Variants in VPS26B observed in about 807,000 individuals in gnomAD.
VPS26B encodes vacuolar protein sorting-associated protein 26B.
In VPS26B, 10 loss-of-function variants were observed where a neutral mutation model predicts 33.3. The observed-to-expected ratio is 0.30, with a 90% CI of 0.19 to 0.51. VPS26B has a LOEUF of 0.51. Among genes scored for constraint, VPS26B ranks in the 20% least tolerant of loss-of-function variants. The pLI, the probability that VPS26B is intolerant of heterozygous loss-of-function variation, is 0.98. For synonymous variants in VPS26B, 190 were observed against 176.9 expected (o/e 1.07, Z -0.59); for missense variants, 317 against 452.7 (o/e 0.70, Z 2.72).
chr11:134,237,605 A>G (rs530216836), intron 2 of VPS26B, among the ~76,000 whole-genome samples: 110 of 152,296 alleles, frequency 7.2e-4, no homozygotes, highest in African/African-American at 2.5e-3. Flanking sequence ...AAGGGAGCAC[A>G]AGGAGAGGAG....
chr11:134,242,519 C>G (rs986866883), intron 3 of VPS26B, among the ~76,000 whole-genome samples: 1 of 152,286 alleles, frequency 6.6e-6, no homozygotes, highest in Non-Finnish European at 1.5e-5. Flanking sequence ...ATTGACTGAC[C>G]CAGAGAAAAA....
chr11:134,243,038 C>T lies in VPS26B; in HGVS notation c.546-81C>T, dbSNP rs1393088954. The T allele has an allele frequency of 2.8e-6, 4 of 1,429,558 alleles. No homozygotes were observed. In the Admixed American group the frequency reaches 5.3e-5, roughly 19 times the overall value. 88.6% of individuals were successfully genotyped at this position (1,429,558 alleles called of 1,614,324 possible). Reference sequence around the variant, plus strand: ...CTGGACGTTTAACCAGCACGCTTGGCCGTGGCGTGTGCGCTCTACTGAAAC... The same window carrying T: ...CTGGACGTTTAACCAGCACGCTTGGTCGTGGCGTGTGCGCTCTACTGAAAC... On this transcript the variant is annotated intron_variant, in intron 3 of 5. Transcript: ENST00000281187.
At position 134,245,141 on chromosome 11, in the gene VPS26B, C is replaced by G; in HGVS notation, c.864+61C>G. On this transcript the variant is annotated intron_variant, in intron 5 of 5. Coordinates refer to ENST00000281187, the MANE Select transcript of VPS26B (RefSeq NM_052875.5). This position sits in a 1 kb window ranked among gnomAD's most constrained non-coding sequence, Gnocchi z 4.7. ...GGGACAGAACAGGAGGCTCTCTTTCCTATGGAAGGTCAGACTCCATTTTTG... is the reference window on the plus strand; with the variant it reads ...GGGACAGAACAGGAGGCTCTCTTTCGTATGGAAGGTCAGACTCCATTTTTG... The G allele has an allele frequency of 6.3e-7, 1 of 1,580,606 alleles. No homozygotes were observed. The highest frequency in any genetic ancestry group is 8.6e-7 in the Non-Finnish European group (1 of 1,166,590).
intron 1 of VPS26B, among the ~76,000 whole-genome samples, chr11:134,225,883 C>CA (rs2136043674): frequency 6.6e-6 from 1 of 152,284 alleles, no homozygotes; most frequent in Non-Finnish European, 1.5e-5. Flanking sequence ...TCTCTTACCT[C>CA]ACCTCAGCCC....
intron 1 of VPS26B, 139 bp from the exon 2 acceptor site, chr11:134,234,758 C>A (rs1345093749): frequency 6.0e-6 from 6 of 996,450 alleles, no homozygotes; most frequent in Non-Finnish European, 5.7e-6. Flanking sequence ...GTCAAGAAAA[C>A]AAGGCTAGAA....
In VPS26B at chr11:134,245,477, C is replaced by T. The variant is rs541989590; in HGVS notation, c.898C>T (p.Arg300Trp). ...GTTGTGGCGGAAGGGTGACATCGTA[C>T]GGAAGAGCATGTCCCACCAGGCGGC... Reference protein sequence around the residue: ...VVLWRKGDIVRKSMSHQAAIA... With the variant: ...VVLWRKGDIVWKSMSHQAAIA... Residue 300 changes from arginine (R) to tryptophan (W), a missense_variant, in exon 6 of 6, where the codon CGG becomes TGG. Arg to Trp is a moderately radical substitution (Grantham distance 101). Transcript: ENST00000281187. The surrounding 1 kb of genome is among the most constrained non-coding windows in gnomAD (Gnocchi z 4.7). 3.1e-6 allele frequency: 5 copies of T among 1,613,960 alleles called. No individual in the cohort carries two copies. Among genetic ancestry groups the T allele is most frequent in the Admixed American group, 1.7e-5 (1 of 60,022 alleles).
intron 2 of VPS26B, 45 bp downstream of exon 2, chr11:134,235,098 C>G (rs1160697435): frequency 3.8e-6 from 6 of 1,583,114 alleles, no homozygotes. Flanking sequence ...AGAACCTGCC[C>G]CATGTGGACA....
chr11:134,236,035 G>C (rs938897945), intron 2 of VPS26B, among the ~76,000 whole-genome samples: 1 of 152,160 alleles, frequency 6.6e-6, no homozygotes, highest in Admixed American at 6.5e-5. Flanking sequence ...CATCAGAAGA[G>C]TGAAGGCTCT....
At chr11:134,243,983 G>C (rs868641887) in intron 4 of VPS26B, 7 of 152,344 alleles carry the variant, frequency 4.6e-5, no homozygotes, top group Admixed American at 1.3e-4. Flanking sequence ...GGTGCTTCCA[G>C]GGTTTTATTG....
Position 134,245,228 on chromosome 11 carries a change from G to A in VPS26B, c.864+148G>A. Reference sequence around the variant, plus strand: ...CAACAAGAATGAGGATTCTCACCTGGCCTTAGAGTCTGCTTCCTCGGGCCT... The same window carrying A: ...CAACAAGAATGAGGATTCTCACCTGACCTTAGAGTCTGCTTCCTCGGGCCT... On this transcript the variant is annotated intron_variant, in intron 5 of 5. Coordinates refer to ENST00000281187, the MANE Select transcript of VPS26B (RefSeq NM_052875.5). This position sits in a 1 kb window ranked among gnomAD's most constrained non-coding sequence, Gnocchi z 4.7. 3.7e-6 allele frequency: 5 copies of A among 1,348,942 alleles called. No homozygotes were observed. Among genetic ancestry groups the A allele is most frequent in the Non-Finnish European group, 5.0e-6 (5 of 1,005,618 alleles). 83.6% of individuals were successfully genotyped at this position (1,348,942 alleles called of 1,614,324 possible). A position where few individuals can be genotyped will look rare whatever the true frequency, so the allele number is the denominator to read the frequency against.
chr11:134,245,538 T>C lies in VPS26B; in HGVS notation c.959T>C (p.Leu320Pro), dbSNP rs201480019. 3.1e-6 allele frequency: 5 copies of C among 1,613,466 alleles called. No homozygotes were observed. The highest frequency in any genetic ancestry group is 4.2e-6 in the Non-Finnish European group (5 of 1,179,976). ...CAGCGCTTTGAGGGCACCACCTCCCTGGGTGAGGTGCGGACCCCCAGCCAG... is the reference window on the plus strand; with the variant it reads ...CAGCGCTTTGAGGGCACCACCTCCCCGGGTGAGGTGCGGACCCCCAGCCAG... ...ASQRFEGTTS[L>P]GEVRTPSQLS... Residue 320 changes from leucine (L) to proline (P), a missense_variant, in exon 6 of 6, where the codon CTG becomes CCG. Physicochemically the swap from Leu to Pro is moderately conservative, Grantham distance 98. Coordinates refer to ENST00000281187, the MANE Select transcript of VPS26B (RefSeq NM_052875.5). This position sits in a 1 kb window ranked among gnomAD's most constrained non-coding sequence, Gnocchi z 4.7.
chr11:134,229,855 T>C lies in VPS26B; in HGVS notation c.223+4510T>C, dbSNP rs77978857. Among the ~76,000 whole-genome samples the C allele has an allele frequency of 9.0e-3, 1,377 of 152,264 alleles. 26 individuals are homozygous for C. The highest frequency in any genetic ancestry group is 0.031 in the African/African-American group (1,299 of 41,540). ...CTCCCTATTGGTTAATGGGGGAAAG[T>C]ATATCCAAATCCCTCCTGCTCTGGC... On this transcript the variant is annotated intron_variant, in intron 1 of 5. Transcript: ENST00000281187.
At chr11:134,237,688 G>C (rs1043375102) in intron 2 of VPS26B, among the ~76,000 whole-genome samples, 1 of 152,136 alleles carries the variant, frequency 6.6e-6, no homozygotes, top group Non-Finnish European at 1.5e-5. Context: ...GTGGAACCGC[G>C]GGAAGAGTGT....
intron 1 of VPS26B, among the ~76,000 whole-genome samples, chr11:134,234,194 G>A (rs1055528795): frequency 6.6e-6 from 1 of 152,190 alleles, no homozygotes; most frequent in Non-Finnish European, 1.5e-5. Context: ...TGTTCGATTG[G>A]CCACATGCCT....
intron 1 of VPS26B, among the ~76,000 whole-genome samples, chr11:134,229,687 C>T (rs1319367862): frequency 6.6e-6 from 1 of 152,210 alleles, no homozygotes. Context: ...TTCTCAATGC[C>T]ACTGCCTTTT....
chr11:134,230,473 T>C (rs376929297), intron 1 of VPS26B, among the ~76,000 whole-genome samples: 13 of 152,230 alleles, frequency 8.5e-5, no homozygotes, highest in African/African-American at 3.1e-4. Context: ...CCTGCCTTTG[T>C]TGTGGAGGAG....
Position 134,244,783 on chromosome 11 carries a change from C to T in VPS26B, c.722-155C>T. The T allele has an allele frequency of 3.8e-6, 4 of 1,048,098 alleles. No individual in the cohort carries two copies. Among genetic ancestry groups the T allele is most frequent in the Non-Finnish European group, 5.3e-6 (4 of 754,628 alleles). 64.9% of individuals were successfully genotyped at this position (1,048,098 alleles called of 1,614,324 possible). A position where few individuals can be genotyped will look rare whatever the true frequency, so the allele number is the denominator to read the frequency against. On this transcript the variant is annotated intron_variant, in intron 4 of 5. Coordinates refer to ENST00000281187, the MANE Select transcript of VPS26B (RefSeq NM_052875.5). This position sits in a 1 kb window ranked among gnomAD's most constrained non-coding sequence, Gnocchi z 4.0. Reference sequence around the variant, plus strand: ...TGGAGAGTCACATTTTTGTTTCAGCCACCTGCTGGGCAGCAGAGCGACTGC... The same window carrying T: ...TGGAGAGTCACATTTTTGTTTCAGCTACCTGCTGGGCAGCAGAGCGACTGC...
Position 134,240,333 on chromosome 11 carries a change from G to T in VPS26B, c.545+178G>T, listed in dbSNP as rs527434235. 6.6e-6 allele frequency among the ~76,000 whole-genome samples: 1 copy of T among 152,144 alleles called. No homozygotes were observed. Among genetic ancestry groups the T allele is most frequent in the Admixed American group, 6.5e-5 (1 of 15,278 alleles). On this transcript the variant is annotated intron_variant, in intron 3 of 5. Coordinates refer to ENST00000281187, the MANE Select transcript of VPS26B (RefSeq NM_052875.5). The surrounding 1 kb of genome is among the most constrained non-coding windows in gnomAD (Gnocchi z 4.4). ...ATGGCAGGCCAGCTGCAGCTGGACC[G>T]ACCACGACGTAAACACTTCATTTAC...
rs374082836 is a variant in VPS26B at position 134,229,008 on chromosome 11, G to A, written c.223+3663G>A. On this transcript the variant is annotated intron_variant, in intron 1 of 5. Transcript: ENST00000281187. Reference sequence around the variant, plus strand: ...TTGCTGTGGCAATCTCATCTGCACCGATGACTTATTTTCTTTGTTTTTTAT... The same window carrying A: ...TTGCTGTGGCAATCTCATCTGCACCAATGACTTATTTTCTTTGTTTTTTAT... Among the ~76,000 whole-genome samples, 21 of 152,190 alleles carry A rather than the reference G, an allele frequency of 1.4e-4. No homozygotes were observed. The East Asian group carries it at 3.7e-3, about 27-fold the overall frequency.
Sources: allele counts gnomAD v4.1 joint callset (sites outside exome capture counted in the v4.1 genomes callset), GRCh38; gene constraint gnomAD v4.1.1; non-coding constraint Gnocchi (gnomAD v3.1); transcripts MANE v1.5; gene names NCBI Gene and HGNC (gene_info 2026-07-23, HGNC 2026-07-21).